SPTAN1: variants seen among roughly 807,000 people sequenced by gnomAD.
SPTAN1 encodes spectrin alpha chain, non-erythrocytic 1.
In SPTAN1, 61 loss-of-function variants were observed where a neutral mutation model predicts 331.3. The observed-to-expected ratio is 0.18, with a 90% CI of 0.15 to 0.23. The LOEUF (loss-of-function observed/expected upper bound fraction) is 0.23, where lower values mean the gene tolerates loss of function less well. Among genes scored for constraint, SPTAN1 ranks in the 10% least tolerant of loss-of-function variants. The probability of loss-of-function intolerance (pLI) is 1.00; values close to 1 mark genes in which losing one functional copy is unlikely to be tolerated. For synonymous variants in SPTAN1, 1,153 were observed against 1,173.9 expected, an observed-to-expected ratio of 0.98 and a Z score of 0.36; for missense variants, 2,043 against 3,147.9, an observed-to-expected ratio of 0.65 and a Z score of 8.40.
chr9:128,572,143 A>C (rs935032888), intron 3 of SPTAN1, among the ~76,000 whole-genome samples: 3 of 152,206 alleles, frequency 2.0e-5, no homozygotes, highest in African/African-American at 7.2e-5. Flanking sequence ...TACAGGCGTG[A>C]GCCACTGCAC....
intron 3 of SPTAN1, among the ~76,000 whole-genome samples, chr9:128,569,199 T>C (rs529964955): frequency 6.6e-6 from 1 of 152,286 alleles, no homozygotes; most frequent in Admixed American, 6.5e-5. Flanking sequence ...GCAGAGCATA[T>C]TAGTGAAATT....
At chr9:128,607,479 C>A in intron 31 of SPTAN1, 125 bp from the exon 32 acceptor site, 1 of 856,634 alleles carries the variant, frequency 1.2e-6, no homozygotes, top group Admixed American at 1.8e-5. Flanking sequence ...TAGCCTCATT[C>A]AGTAGATCAG....
Position 128,627,201 on chromosome 9 carries a change from G to A in SPTAN1, c.6577-185G>A. ...GTCCGCCTCTTCCTTGAAGCCCCTG[G>A]GGGGTGGGAACAGAGAAAGAACTAC... On this transcript the variant is annotated intron_variant, in intron 49 of 56. Coordinates refer to ENST00000372739, the MANE Select transcript of SPTAN1 (RefSeq NM_001130438.3). This position sits in a 1 kb window ranked among gnomAD's most constrained non-coding sequence, Gnocchi z 4.9. 1.5e-6 allele frequency: 1 copy of A among 654,312 alleles called. No homozygotes were observed. 40.5% of individuals were successfully genotyped at this position (654,312 alleles called of 1,614,324 possible).
intron 16 of SPTAN1, 95 bp from the exon 17 acceptor site, chr9:128,584,187 C>T: frequency 1.3e-6 from 2 of 1,586,742 alleles, no homozygotes; most frequent in Non-Finnish European, 1.7e-6. Context: ...AGAAAGAATC[C>T]TCTCAGGAAT....
chr9:128,583,067 T>C lies in SPTAN1; in HGVS notation c.1807-10T>C. ...TCAAGATAGAAAGAACCCCCTTCTTTTATTCACAGGATCCATCCAACCTAC... is the reference window on the plus strand; with the variant it reads ...TCAAGATAGAAAGAACCCCCTTCTTCTATTCACAGGATCCATCCAACCTAC... On this transcript the variant is annotated splice_polypyrimidine_tract_variant and intron_variant, in intron 14 of 56. Coordinates refer to ENST00000372739, the MANE Select transcript of SPTAN1 (RefSeq NM_001130438.3). 3 of 1,613,982 alleles carry C rather than the reference T, an allele frequency of 1.9e-6. No homozygotes were observed. The highest frequency in any genetic ancestry group is 1.1e-5 in the South Asian group (1 of 91,072).
intron 1 of SPTAN1, among the ~76,000 whole-genome samples, chr9:128,555,674 A>C (rs1375461938): frequency 6.9e-6 from 1 of 144,136 alleles, no homozygotes. Flanking sequence ...TAAGGCATGA[A>C]TATATTAATT....
At chr9:128,599,838 T>C in intron 26 of SPTAN1, 1 of 574,254 alleles carries the variant, frequency 1.7e-6, no homozygotes, top group Non-Finnish European at 3.1e-6. Context: ...CTTTATTCTC[T>C]CCATTTCTTC....
Position 128,615,846 on chromosome 9 carries a change from T to A in SPTAN1, c.5357+6T>A, listed in dbSNP as rs1182128132. 6.2e-7 allele frequency: 1 copy of A among 1,613,996 alleles called. No individual in the cohort carries two copies. The highest frequency in any genetic ancestry group is 1.3e-5 in the African/African-American group (1 of 74,922). On this transcript the variant is annotated splice_donor_region_variant and intron_variant, in intron 41 of 56. Coordinates refer to ENST00000372739, the MANE Select transcript of SPTAN1 (RefSeq NM_001130438.3). ...GACGAGGAGTCCTGGATCAAGTATG[T>A]CTTCTCAGCCCTCTAGAAGGCCCCT...
At chr9:128,599,260 G>A (rs888723824) in intron 26 of SPTAN1, 44 of 446,420 alleles carry the variant, frequency 9.9e-5, no homozygotes, top group Non-Finnish European at 1.6e-4. Flanking sequence ...TCAGCTTCCT[G>A]AGTAGCTGGA....
chr9:128,632,494 G>GC lies in SPTAN1; in HGVS notation c.7013+12dup, dbSNP rs1859918074. ...TCAGCATGATGTTTAAGTGAGTTCA[G>GC]CCTTACTCGCCCTGGCTGGGTGGGG... On this transcript the variant is annotated intron_variant, in intron 54 of 56. Coordinates refer to ENST00000372739, the MANE Select transcript of SPTAN1 (RefSeq NM_001130438.3). 1 of 1,614,090 alleles carries GC rather than the reference G, an allele frequency of 6.2e-7. No individual in the cohort carries two copies. The highest frequency in any genetic ancestry group is 1.1e-5 in the South Asian group (1 of 91,094).
At position 128,630,317 on chromosome 9, in the gene SPTAN1, T is replaced by G; in HGVS notation, c.6708-4T>G. Reference sequence around the variant, plus strand: ...CCCTTTCCTCACTGTCCTTCCACGTTTAGGTCCTGTATGGTGGAAGAGTCG... The same window carrying G: ...CCCTTTCCTCACTGTCCTTCCACGTGTAGGTCCTGTATGGTGGAAGAGTCG... On this transcript the variant is annotated splice_region_variant and splice_polypyrimidine_tract_variant and intron_variant, in intron 51 of 56. Coordinates refer to ENST00000372739, the MANE Select transcript of SPTAN1 (RefSeq NM_001130438.3). 1 of 1,613,700 alleles carries G rather than the reference T, an allele frequency of 6.2e-7. No homozygotes were observed. The highest frequency in any genetic ancestry group is 8.5e-7 in the Non-Finnish European group (1 of 1,179,984).
chr9:128,618,857 T>TCTC lies in SPTAN1; in HGVS notation c.5601-11_5601-9dup. On this transcript the variant is annotated splice_polypyrimidine_tract_variant and intron_variant, in intron 43 of 56. Transcript: ENST00000372739. ...GAGATTATGGCTGATTTTCTTCCTG[T>TCTC]CTCCTGTAATTAGGGGTCAGCGGCT... 6.2e-7 allele frequency: 1 copy of TCTC among 1,614,080 alleles called. No homozygotes were observed. The highest frequency in any genetic ancestry group is 8.5e-7 in the Non-Finnish European group (1 of 1,180,014).
At chr9:128,630,538 T>C in intron 52 of SPTAN1, 163 bp downstream of exon 52, 2 of 642,120 alleles carry the variant, frequency 3.1e-6, no homozygotes, top group Non-Finnish European at 2.7e-6. Flanking sequence ...CTCTCTCTCT[T>C]TTCTTTCTTT....
chr9:128,564,436 T>C (rs1984186), intron 1 of SPTAN1, among the ~76,000 whole-genome samples: 137,371 of 150,708 alleles, frequency 0.91, 63,915 homozygotes, highest in Non-Finnish European at 1. Context: ...AAAAAAAAAT[T>C]AGCCAGTCAT....
Position 128,625,889 on chromosome 9 carries a change from G to A in SPTAN1, c.6190G>A (p.Ala2064Thr), listed in dbSNP as rs201411901. 237 of 1,614,182 alleles carry A rather than the reference G, an allele frequency of 1.5e-4. No individual in the cohort carries two copies. In the Admixed American group the frequency reaches 2.8e-3, roughly 19 times the overall value. The change falls in exon 48 of 57, where the codon GCC becomes ACC. Residue 2064 changes from alanine to threonine, a missense_variant. Around this residue, in one of 12 missense-constraint regions of SPTAN1, gnomAD observed 256 missense variants for 376.4 expected, o/e 0.68. Coordinates refer to ENST00000372739, the MANE Select transcript of SPTAN1 (RefSeq NM_001130438.3). This position sits in a 1 kb window ranked among gnomAD's most constrained non-coding sequence, Gnocchi z 4.1. ...VQSKAIEARH[A>T]SLMKRWSQLL... ...GTCCAAGGCCATCGAGGCCCGGCAC[G>A]CCTCCCTCATGAAGAGGTGGAGCCA...
chr9:128,619,304 C>T (rs1857562454), intron 44 of SPTAN1, among the ~76,000 whole-genome samples: 1 of 152,184 alleles, frequency 6.6e-6, no homozygotes, highest in Non-Finnish European at 1.5e-5. Context: ...ATAAGTACCA[C>T]AAACGGAGTG....
At chr9:128,587,534 A>G in intron 19 of SPTAN1, 72 bp from the exon 20 acceptor site, 1 of 1,202,670 alleles carries the variant, frequency 8.3e-7, no homozygotes, top group South Asian at 1.2e-5. Flanking sequence ...GCAGGATGGC[A>G]GGTTGGCGAG....
intron 1 of SPTAN1, among the ~76,000 whole-genome samples, chr9:128,563,024 A>ATATG (rs59259018): frequency 1.1e-4 from 15 of 140,586 alleles, no homozygotes; most frequent in African/African-American, 4.1e-4. Context: ...ATATATATAT[A>ATATG]TATGTATATA....
chr9:128,603,659 G>C (rs1344822963), intron 28 of SPTAN1, 69 bp downstream of exon 28: 1 of 1,572,808 alleles, frequency 6.4e-7, no homozygotes, highest in Non-Finnish European at 8.8e-7. Context: ...CCTGTCTACA[G>C]CAGAGCTCTT....
Sources: allele counts gnomAD v4.1 joint callset (sites outside exome capture counted in the v4.1 genomes callset), GRCh38; gene constraint gnomAD v4.1.1; regional missense constraint gnomAD v4.1.1; non-coding constraint Gnocchi (gnomAD v3.1); transcripts MANE v1.5; gene names NCBI Gene and HGNC (gene_info 2026-07-23, HGNC 2026-07-21).